CDON: variants seen among roughly 807,000 people sequenced by gnomAD.
The protein encoded by CDON is cell adhesion molecule-related/down-regulated by oncogenes.
In CDON, 73 loss-of-function variants were observed where a neutral mutation model predicts 120.9. The observed-to-expected ratio is 0.60, with a 90% CI of 0.50 to 0.73. The LOEUF (loss-of-function observed/expected upper bound fraction) is 0.73, where lower values mean the gene tolerates loss of function less well. Ranked by LOEUF, CDON falls within the 30% of genes least tolerant of loss-of-function variation. The pLI, the probability that CDON is intolerant of heterozygous loss-of-function variation, is 0.00. For missense variants in CDON, 1,470 were observed against 1,587.3 expected (o/e 0.93, Z 1.26); for synonymous variants, 566 against 573.5 (o/e 0.99, Z 0.19).
Position 126,020,056 on chromosome 11 carries a change from AAAAAAAAAG to A in CDON, c.350-300_350-292del, listed in dbSNP as rs200669402. On this transcript the variant is annotated intron_variant, in intron 3 of 19. Coordinates refer to ENST00000531738, the MANE Select transcript of CDON (RefSeq NM_001378964.1). ...ACAGAGTGAGACCCTGTCTCAAGAG[AAAAAAAAAG>A]AAAAAAAAGAAAAGAAAGCAGCTGG... Among the ~76,000 whole-genome samples the A allele has an allele frequency of 8.8e-3, 1,331 of 151,316 alleles. 22 individuals carry two copies. The highest frequency in any genetic ancestry group is 0.031 in the African/African-American group (1,267 of 41,198).
At chr11:126,041,150 C>T (rs1206836614) in intron 1 of CDON, among the ~76,000 whole-genome samples, 1 of 150,220 alleles carries the variant, frequency 6.7e-6, no homozygotes, top group East Asian at 2.0e-4. Flanking sequence ...CGAGATCGTG[C>T]CACTGCACTC....
intron 1 of CDON, among the ~76,000 whole-genome samples, chr11:126,024,888 C>G (rs1947748985): frequency 6.6e-6 from 1 of 152,160 alleles, no homozygotes; most frequent in African/African-American, 2.4e-5. Context: ...AGAAAGAAAT[C>G]TATTTGTTCA....
At chr11:126,052,596 G>A (rs942147412) in intron 1 of CDON, among the ~76,000 whole-genome samples, 1 of 152,202 alleles carries the variant, frequency 6.6e-6, no homozygotes, top group Non-Finnish European at 1.5e-5. Flanking sequence ...GACAAGGTGG[G>A]TGGATCACTT....
chr11:125,982,944 C>T (rs1214008805), intron 16 of CDON, among the ~76,000 whole-genome samples: 2 of 152,180 alleles, frequency 1.3e-5, no homozygotes, highest in East Asian at 3.9e-4. Flanking sequence ...CAAATGATCA[C>T]CATCCATTTC....
intron 6 of CDON, among the ~76,000 whole-genome samples, chr11:126,016,137 T>C (rs2134664121): frequency 6.6e-6 from 1 of 152,332 alleles, no homozygotes; most frequent in African/African-American, 2.4e-5. Flanking sequence ...GTTGCTAACC[T>C]ATAGCAGGCC....
At chr11:126,018,858 C>A (rs1403893458) in intron 4 of CDON, among the ~76,000 whole-genome samples, 1 of 152,158 alleles carries the variant, frequency 6.6e-6, no homozygotes, top group African/African-American at 2.4e-5. Context: ...GCGTGAGCCA[C>A]CGGCCAGCCT....
In CDON at chr11:126,062,789, G is replaced by C. The variant is rs1277439282; in HGVS notation, c.-272C>G. ...GGCGCTGGGCAGGGCGGGCGGGCGT[G>C]GGGTCCCGGGTCTCCTCGCACCTAG... On this transcript the variant is annotated 5_prime_UTR_variant, in exon 1 of 20. Transcript: ENST00000531738. 2 of 152,026 alleles carry C rather than the reference G, an allele frequency of 1.3e-5. No individual in the cohort carries two copies. Among genetic ancestry groups the C allele is most frequent in the East Asian group, 3.9e-4 (2 of 5,126 alleles). The allele number at this position is 152,026 out of a possible 1,614,324, so 9.4% of individuals were successfully genotyped here.
At chr11:126,057,683 C>A (rs1200117361) in intron 1 of CDON, among the ~76,000 whole-genome samples, 1 of 152,210 alleles carries the variant, frequency 6.6e-6, no homozygotes, top group African/African-American at 2.4e-5. Flanking sequence ...ATTAGCTGTA[C>A]ACTTGTGATA....
At chr11:126,015,094 C>T (rs764608202) in intron 7 of CDON, 147 bp downstream of exon 7, 52 of 764,496 alleles carry the variant, frequency 6.8e-5, no homozygotes, top group Non-Finnish European at 9.4e-5. Flanking sequence ...GCCTACCTGT[C>T]ACTAGCCAGG....
In CDON at chr11:126,034,641, A is replaced by T. The variant is rs1948044301; in HGVS notation, c.-61-11104T>A. Among the ~76,000 whole-genome samples the T allele has an allele frequency of 6.6e-6, 1 of 152,234 alleles. No individual in the cohort carries two copies. Among genetic ancestry groups the T allele is most frequent in the Admixed American group, 6.5e-5 (1 of 15,284 alleles). On this transcript the variant is annotated intron_variant, in intron 1 of 19. Transcript: ENST00000531738. The surrounding 1 kb of genome is among the most constrained non-coding windows in gnomAD (Gnocchi z 4.5). ...CAAGAATTGTGAAGATAATCCTGGC[A>T]TCCACAGTGGGTTGTACAGGAGCAT...
At position 126,034,460 on chromosome 11, in the gene CDON, G is replaced by C. The variant is rs1218200923; in HGVS notation, c.-61-10923C>G. Among the ~76,000 whole-genome samples, 2 of 152,098 alleles carry C rather than the reference G, an allele frequency of 1.3e-5. No homozygotes were observed. Among genetic ancestry groups the C allele is most frequent in the Non-Finnish European group, 2.9e-5 (2 of 68,018 alleles). On this transcript the variant is annotated intron_variant, in intron 1 of 19. Transcript: ENST00000531738. The surrounding 1 kb of genome is among the most constrained non-coding windows in gnomAD (Gnocchi z 4.5). ...AGTGAGGGGCTGCCAGCTGCAACAG[G>C]AATCAATGTGGTCCTAATTACACCA...
In CDON at chr11:126,021,531, A is replaced by G. The variant is rs200967203; in HGVS notation, c.77-11T>C. 1.3e-4 allele frequency: 213 copies of G among 1,612,648 alleles called. No individual in the cohort carries two copies. The highest frequency in any genetic ancestry group is 3.7e-4 in the African/African-American group (28 of 74,914). ...AATAAGGTGCCAAGTCTACAAGGGA[A>G]TATTCCCCATATGCAAAGAAAGCAG... On this transcript the variant is annotated splice_polypyrimidine_tract_variant and intron_variant, in intron 2 of 19. Transcript: ENST00000531738.
intron 15 of CDON, 45 bp downstream of exon 15, chr11:125,989,592 G>A (rs373418692): frequency 1.9e-6 from 3 of 1,581,056 alleles, no homozygotes; most frequent in Non-Finnish European, 2.6e-6. Context: ...GTAATCCAGG[G>A]TTGGAATTCT....
At position 125,989,646 on chromosome 11, in the gene CDON, C is replaced by G; in HGVS notation, c.2764G>C (p.Glu922Gln). 6.2e-7 allele frequency: 1 copy of G among 1,613,042 alleles called. No individual in the cohort carries two copies. Among genetic ancestry groups the G allele is most frequent in the South Asian group, 1.1e-5 (1 of 91,046 alleles). The part of the protein sequence containing the change: ...ESEFSNVMIC[E>Q]TKVKRVPGAS... The stretch of plus-strand genomic sequence containing the variant: ...GCAAAAATTCTCCTACCTTTAGTCT[C>G]GCAGATCATCACATTGCTAAATTCA... The change falls in exon 15 of 20, where the codon GAG (glutamate) becomes CAG (glutamine). Residue 922 changes from glutamate (E) to glutamine (Q), a missense_variant. By Grantham distance (29) the Glu-to-Gln change is conservative. Transcript: ENST00000531738.
At chr11:125,981,414 GCACATACGCACACACGCACACACGCACA>G in intron 16 of CDON, 85 bp from the exon 17 acceptor site, 13 of 1,366,798 alleles carry the variant, frequency 9.5e-6, no homozygotes, top group Non-Finnish European at 1.2e-5. Context: ...ATGCACACAT[GCACATACGCACACACGCACACACGCACA>G]CAGTAAGACA....
rs11829007 is a variant in CDON at position 126,023,657 on chromosome 11, C to T, written c.-61-120G>A. ...GCTCTGTGTAGAGTACGTCAAATAC[C>T]AGGCACTTAATTATCCAGATCTTCC... is the stretch of plus-strand genomic sequence containing the variant. On this transcript the variant is annotated intron_variant, in intron 1 of 19. Coordinates refer to ENST00000531738, the MANE Select transcript of CDON (RefSeq NM_001378964.1). The T allele has an allele frequency of 8.0e-3, 5,210 of 652,368 alleles. 192 individuals are homozygous for T. In the African/African-American group the frequency reaches 0.082, roughly 10 times the overall value. 40.4% of individuals were successfully genotyped at this position (652,368 alleles called of 1,614,324 possible). A position where few individuals can be genotyped will look rare whatever the true frequency, so the allele number is the denominator to read the frequency against.
intron 12 of CDON, 50 bp from the exon 13 acceptor site, chr11:125,995,102 A>G (rs1366218073): frequency 1.3e-6 from 2 of 1,510,570 alleles, no homozygotes; most frequent in Non-Finnish European, 1.8e-6. Flanking sequence ...AAACATAACT[A>G]AGAAAAGCTA....
chr11:125,988,543 T>C (rs1218430727), intron 15 of CDON, among the ~76,000 whole-genome samples: 1 of 152,114 alleles, frequency 6.6e-6, no homozygotes, highest in African/African-American at 2.4e-5. Context: ...CTGGGCTGCT[T>C]ATTTTGGGGA....
intron 1 of CDON, among the ~76,000 whole-genome samples, chr11:126,023,783 G>T (rs1349546891): frequency 6.6e-6 from 1 of 152,214 alleles, no homozygotes; most frequent in Admixed American, 6.5e-5. Context: ...CACTCTGAAT[G>T]AATACATTCA....
Sources: gnomAD v4.1 joint callset for allele counts (sites outside exome capture counted in the v4.1 genomes callset) on GRCh38, gnomAD v4.1.1 for gene constraint, Gnocchi (gnomAD v3.1) non-coding constraint, MANE v1.5 for transcripts, NCBI Gene and HGNC (gene_info 2026-07-23, HGNC 2026-07-21) for gene names.